SCTR: variants seen among roughly 807,000 people sequenced by gnomAD.
SCTR encodes pancreatic secretin receptor.
Under a neutral mutation model 60.8 loss-of-function variants are expected in SCTR, and 56 were observed. The observed-to-expected ratio is 0.92, with a 90% CI of 0.74 to 1.15. The LOEUF is 1.15. SCTR is among the 50% of genes most tolerant of loss of function. The pLI is 0.00. For synonymous variants in SCTR, 202 were observed against 217.0 expected, an observed-to-expected ratio of 0.93 and a Z score of 0.61; for missense variants, 562 against 550.4, an observed-to-expected ratio of 1.02 and a Z score of -0.21.
chr2:119,510,628 G>C (rs759176548), intron 1 of SCTR, among the ~76,000 whole-genome samples: 1 of 152,094 alleles, frequency 6.6e-6, no homozygotes, highest in Non-Finnish European at 1.5e-5. Flanking sequence ...ATACATTTTA[G>C]TTGTAATTCA....
At chr2:119,453,159 G>T (rs1313228508) in intron 8 of SCTR, 128 bp downstream of exon 8, 36 of 720,448 alleles carry the variant, frequency 5.0e-5, no homozygotes, top group Non-Finnish European at 4.9e-6. Context: ...ATCAGTCCAG[G>T]GAACTCATCT....
intron 3 of SCTR, among the ~76,000 whole-genome samples, chr2:119,475,306 A>G (rs1439177050): frequency 1.3e-5 from 2 of 152,230 alleles, no homozygotes; most frequent in Admixed American, 6.5e-5. Context: ...ATCGAAGGTT[A>G]TAAGACAGCG....
chr2:119,522,227 C>T (rs1370366342), intron 1 of SCTR, among the ~76,000 whole-genome samples: 1 of 151,420 alleles, frequency 6.6e-6, no homozygotes, highest in African/African-American at 2.4e-5. Context: ...ACCTGGGAGG[C>T]GGAGGTTACA....
rs61213209 is a variant in SCTR at position 119,470,761 on chromosome 2, C to T, written c.405+2692G>A. 5.8e-3 allele frequency among the ~76,000 whole-genome samples: 880 copies of T among 152,230 alleles called. 5 individuals carry two copies. Among genetic ancestry groups the T allele is most frequent in the African/African-American group, 0.017 (712 of 41,532 alleles). Reference sequence around the variant, plus strand: ...TGTCGCCCAGGCTGGAGCGCAGTGGCGAGATCTTGGCTCACTGCAACCTCT... The same window carrying T: ...TGTCGCCCAGGCTGGAGCGCAGTGGTGAGATCTTGGCTCACTGCAACCTCT... On this transcript the variant is annotated intron_variant, in intron 4 of 12. Coordinates refer to ENST00000019103, the MANE Select transcript of SCTR (RefSeq NM_002980.3).
chr2:119,514,627 G>C (rs1679055320), intron 1 of SCTR, among the ~76,000 whole-genome samples: 1 of 152,146 alleles, frequency 6.6e-6, no homozygotes, highest in Non-Finnish European at 1.5e-5. Flanking sequence ...TGCAATCCTA[G>C]CACTTTGGGA....
chr2:119,521,468 T>C (rs369988313), intron 1 of SCTR, among the ~76,000 whole-genome samples: 1 of 152,034 alleles, frequency 6.6e-6, no homozygotes, highest in African/African-American at 2.4e-5. Context: ...GGGGGACAGA[T>C]GTGTTAGTAA....
intron 4 of SCTR, among the ~76,000 whole-genome samples, chr2:119,469,666 T>A (rs922542283): frequency 2.6e-5 from 4 of 152,060 alleles, no homozygotes; most frequent in African/African-American, 7.2e-5. Context: ...CTTAAAAAAA[T>A]TTTTTTTGTA....
At chr2:119,481,923 G>A (rs905155965) in intron 2 of SCTR, among the ~76,000 whole-genome samples, 3 of 152,170 alleles carry the variant, frequency 2.0e-5, no homozygotes, top group Non-Finnish European at 4.4e-5. Context: ...TGTGCTGATG[G>A]GGAGGAGCCC....
intron 7 of SCTR, among the ~76,000 whole-genome samples, chr2:119,457,587 C>T (rs1683422723): frequency 6.6e-6 from 1 of 152,086 alleles, no homozygotes; most frequent in Non-Finnish European, 1.5e-5. Context: ...GTGGCATGCA[C>T]CTGTAGTCCT....
chr2:119,447,013 T>A, intron 10 of SCTR, 128 bp from the exon 11 acceptor site: 1 of 983,930 alleles, frequency 1.0e-6, no homozygotes, highest in Non-Finnish European at 1.3e-6. Context: ...TACCCCAAAC[T>A]TTTTTGTTTT....
chr2:119,494,533 G>A lies in SCTR; in HGVS notation c.88C>T (p.Arg30Ter), dbSNP rs868327497. The A allele has an allele frequency of 6.8e-6, 11 of 1,613,856 alleles. No homozygotes were observed. The highest frequency in any genetic ancestry group is 2.2e-5 in the East Asian group (1 of 44,864). ...CAAHSTGALP[R>*]LCDVLQVLWE... ...AGCACTTGTAGCACGTCACATAGTCGGGGAAGGGCTCCAGTCTGCAAGTCC... is the reference window on the plus strand; with the variant it reads ...AGCACTTGTAGCACGTCACATAGTCAGGGAAGGGCTCCAGTCTGCAAGTCC... Residue 30 changes from arginine to a stop codon, truncating the protein, a stop_gained, in exon 2 of 13, where the codon CGA (arginine) becomes TGA (stop). Transcript: ENST00000019103. LOFTEE classifies it high-confidence loss of function.
Position 119,524,217 on chromosome 2 carries a change from G to T in SCTR, c.10C>A (p.His4Asn). Residue 4 changes from histidine to asparagine, a missense_variant, in exon 1 of 13, where the codon CAC becomes AAC. Physicochemically the swap from His to Asn is moderately conservative, Grantham distance 68. Coordinates refer to ENST00000019103, the MANE Select transcript of SCTR (RefSeq NM_002980.3). MRP[H>N]LSPPLQQLLL... is the part of the protein sequence containing the mutation. ...AGCTGCTGCAGCGGCGGCGACAGGT[G>T]GGGACGCATGGTGCCCGCACGTTCC... 1 of 1,505,660 alleles carries T rather than the reference G, an allele frequency of 6.6e-7. No individual in the cohort carries two copies. The highest frequency in any genetic ancestry group is 8.9e-7 in the Non-Finnish European group (1 of 1,126,528). 93.3% of individuals were successfully genotyped at this position (1,505,660 alleles called of 1,614,324 possible). A position where few individuals can be genotyped will look rare whatever the true frequency, so the allele number is the denominator to read the frequency against.
chr2:119,469,208 T>TA (rs1188809950), intron 4 of SCTR, among the ~76,000 whole-genome samples: 1 of 152,136 alleles, frequency 6.6e-6, no homozygotes, highest in Non-Finnish European at 1.5e-5. Context: ...TGTTAACATA[T>TA]AATCTCGCCA....
chr2:119,465,663 T>C, intron 5 of SCTR, 126 bp downstream of exon 5: 1 of 673,124 alleles, frequency 1.5e-6, no homozygotes, highest in East Asian at 2.6e-5. Context: ...TAGGTCAGCT[T>C]TAGATCAAGA....
intron 1 of SCTR, among the ~76,000 whole-genome samples, chr2:119,501,036 C>G (rs1678527890): frequency 6.6e-6 from 1 of 151,900 alleles, no homozygotes; most frequent in Non-Finnish European, 1.5e-5. Flanking sequence ...AATTTAATAA[C>G]AAAAGGTTGA....
At chr2:119,504,312 C>G (rs1300755283) in intron 1 of SCTR, among the ~76,000 whole-genome samples, 1 of 152,106 alleles carries the variant, frequency 6.6e-6, no homozygotes. Context: ...AGCATAGGAG[C>G]TCAGCTGCAG....
intron 1 of SCTR, among the ~76,000 whole-genome samples, chr2:119,496,256 A>G (rs1156980461): frequency 6.6e-6 from 1 of 152,242 alleles, no homozygotes; most frequent in Non-Finnish European, 1.5e-5. Context: ...ATGACTCTCA[A>G]CAGGACAGAA....
At chr2:119,489,436 G>A (rs1000425609) in intron 2 of SCTR, among the ~76,000 whole-genome samples, 5 of 152,242 alleles carry the variant, frequency 3.3e-5, no homozygotes, top group East Asian at 1.9e-4. Flanking sequence ...CTGAATACTC[G>A]GTCTGGCAAG....
intron 7 of SCTR, among the ~76,000 whole-genome samples, chr2:119,461,292 TG>T (rs1035377794): frequency 2.0e-5 from 3 of 152,236 alleles, no homozygotes; most frequent in African/African-American, 7.2e-5. Context: ...CAACAAGTAT[TG>T]GGTGGGAACG....
Sources: gnomAD v4.1 joint callset for allele counts (sites outside exome capture counted in the v4.1 genomes callset) on GRCh38, gnomAD v4.1.1 for gene constraint, MANE v1.5 for transcripts, NCBI Gene and HGNC (gene_info 2026-07-23, HGNC 2026-07-21) for gene names.